The following VAT1L variants were observed in gnomAD, a reference collection of about 807,000 sequenced individuals.
VAT1L encodes the protein vesicle amine transport 1 like.
VAT1L carries 34 observed loss-of-function variants against 44.1 expected under a neutral mutation model. The observed-to-expected ratio is 0.77, with a 90% CI of 0.59 to 1.03. The LOEUF is 1.03. Ranked by LOEUF, VAT1L falls within the 50% of genes least tolerant of loss-of-function variation. VAT1L has a pLI of 0.00. For synonymous variants in VAT1L, 253 were observed against 202.2 expected (o/e 1.25, Z -2.13); for missense variants, 615 against 538.8 (o/e 1.14, Z -1.40).
At chr16:77,905,279 T>G (rs887311000) in intron 7 of VAT1L, among the ~76,000 whole-genome samples, 3 of 152,206 alleles carry the variant, frequency 2.0e-5, no homozygotes, top group African/African-American at 7.2e-5. Context: ...CTTGATTTTC[T>G]TCAAAGAAGA....
intron 8 of VAT1L, among the ~76,000 whole-genome samples, chr16:77,975,218 T>C (rs1013760682): frequency 3.7e-5 from 5 of 136,650 alleles, no homozygotes; most frequent in Non-Finnish European, 7.9e-5. Context: ...TTTTTTTTTT[T>C]TTTTTTTTTT....
chr16:77,933,596 G>A (rs182403116), intron 7 of VAT1L, among the ~76,000 whole-genome samples: 8 of 152,334 alleles, frequency 5.3e-5, no homozygotes, highest in Admixed American at 3.9e-4. Flanking sequence ...TAAAAGGGAT[G>A]GGGAAGGCAG....
intron 7 of VAT1L, among the ~76,000 whole-genome samples, chr16:77,934,637 G>A (rs75809443): frequency 0.012 from 1,779 of 152,220 alleles, 83 homozygotes; most frequent in East Asian, 0.078. Flanking sequence ...GGAACCATAG[G>A]GAACTAATTT....
At chr16:77,971,986 GTCAA>G (rs539821536) in intron 8 of VAT1L, 53 bp downstream of exon 8, 1 of 1,555,106 alleles carries the variant, frequency 6.4e-7, no homozygotes, top group Non-Finnish European at 8.8e-7. Flanking sequence ...AGCACCACGG[GTCAA>G]TCAGATGCAG....
At chr16:77,848,906 T>A (rs943329613) in intron 3 of VAT1L, among the ~76,000 whole-genome samples, 1 of 152,148 alleles carries the variant, frequency 6.6e-6, no homozygotes, top group East Asian at 1.9e-4. Context: ...TGGATGAAGC[T>A]GGAAACCATC....
intron 7 of VAT1L, among the ~76,000 whole-genome samples, chr16:77,929,801 A>C (rs1471785680): frequency 6.6e-6 from 1 of 152,190 alleles, no homozygotes; most frequent in Non-Finnish European, 1.5e-5. Flanking sequence ...GGAGACCCAG[A>C]TAATAAGTGG....
chr16:77,908,821 G>T (rs1297619472), intron 7 of VAT1L, among the ~76,000 whole-genome samples: 1 of 152,070 alleles, frequency 6.6e-6, no homozygotes. Context: ...GGCTGAGGCA[G>T]GAGCACGGCG....
At chr16:77,908,068 G>A (rs151224123) in intron 7 of VAT1L, among the ~76,000 whole-genome samples, 40 of 152,066 alleles carry the variant, frequency 2.6e-4, no homozygotes, top group Middle Eastern at 3.4e-3. Context: ...GTGAAACCCC[G>A]TCTCTACTAA....
At chr16:77,931,486 G>A (rs901198336) in intron 7 of VAT1L, among the ~76,000 whole-genome samples, 3 of 152,188 alleles carry the variant, frequency 2.0e-5, no homozygotes, top group Non-Finnish European at 4.4e-5. Context: ...CTCAGGGAAG[G>A]GGGAAAGAAG....
At position 77,880,664 on chromosome 16, in the gene VAT1L, C is replaced by T. The variant is rs546669695; in HGVS notation, c.882+1440C>T. 3.4e-5 allele frequency among the ~76,000 whole-genome samples: 4 copies of T among 116,068 alleles called. No individual in the cohort carries two copies. In the Admixed American group the frequency reaches 3.6e-4, roughly 11 times the overall value. The allele number at this position is 116,068 out of a possible 152,430, so 76.1% of individuals were successfully genotyped here. Reference sequence around the variant, plus strand: ...GAGGTACCTGTGCAGGTTTTTTGCCCGGGTATTGTATGATGCTGAAGTTTG... The same window carrying T: ...GAGGTACCTGTGCAGGTTTTTTGCCTGGGTATTGTATGATGCTGAAGTTTG... On this transcript the variant is annotated intron_variant, in intron 6 of 8. Transcript: ENST00000302536.
At chr16:77,959,068 T>G (rs182437860) in intron 7 of VAT1L, among the ~76,000 whole-genome samples, 52 of 152,346 alleles carry the variant, frequency 3.4e-4, no homozygotes, top group African/African-American at 1.2e-3. Flanking sequence ...GTGCTGATCC[T>G]GCACTTGTGT....
chr16:77,901,919 T>C (rs191273265), intron 7 of VAT1L, among the ~76,000 whole-genome samples: 68 of 152,298 alleles, frequency 4.5e-4, no homozygotes, highest in Non-Finnish European at 7.3e-4. Flanking sequence ...TTCACCTCAT[T>C]TATGGTTTGC....
intron 7 of VAT1L, among the ~76,000 whole-genome samples, chr16:77,948,179 G>A (rs2017994039): frequency 6.6e-6 from 1 of 152,160 alleles, no homozygotes; most frequent in African/African-American, 2.4e-5. Context: ...ACACTCTGTT[G>A]GAATTGACTG....
At chr16:77,832,048 G>A (rs1356611933) in intron 3 of VAT1L, among the ~76,000 whole-genome samples, 2 of 144,844 alleles carry the variant, frequency 1.4e-5, no homozygotes, top group South Asian at 2.2e-4. Context: ...AGCTGGTCTC[G>A]AACTCCTGAC....
At chr16:77,964,779 CTTTTTTTTTTTTTTTTTTTTT>C (rs10566511) in intron 7 of VAT1L, among the ~76,000 whole-genome samples, 18 of 91,874 alleles carry the variant, frequency 2.0e-4, no homozygotes, top group Non-Finnish European at 2.1e-4. Context: ...CTTTGTAGCA[CTTTTTTTTTTTTTTTTTTTTT>C]TTTTTTTTTT....
intron 4 of VAT1L, among the ~76,000 whole-genome samples, chr16:77,869,949 C>T (rs543151949): frequency 7.8e-4 from 118 of 152,246 alleles, no homozygotes; most frequent in African/African-American, 2.6e-3. Flanking sequence ...TAGCACAATG[C>T]CTGGCACATA....
chr16:77,811,066 G>T (rs2016255908), intron 1 of VAT1L, among the ~76,000 whole-genome samples: 1 of 152,174 alleles, frequency 6.6e-6, no homozygotes, highest in Non-Finnish European at 1.5e-5. Context: ...TCTATAATCT[G>T]CATCAATAGA....
At chr16:77,900,885 C>T (rs1261855811) in intron 7 of VAT1L, among the ~76,000 whole-genome samples, 1 of 151,972 alleles carries the variant, frequency 6.6e-6, no homozygotes, top group African/African-American at 2.4e-5. Flanking sequence ...TGCTCATGAG[C>T]CTTTATGAGC....
chr16:77,828,411 C>T (rs1033287778), intron 3 of VAT1L, among the ~76,000 whole-genome samples: 6 of 152,054 alleles, frequency 3.9e-5, no homozygotes, highest in Non-Finnish European at 8.8e-5. Context: ...CGCCTGTAAT[C>T]CCAGCACTTT....
Sources: allele counts gnomAD v4.1 joint callset (sites outside exome capture counted in the v4.1 genomes callset), GRCh38; gene constraint gnomAD v4.1.1; transcripts MANE v1.5; gene names NCBI Gene and HGNC (gene_info 2026-07-23, HGNC 2026-07-21).